Variants in EFNA5 observed in about 807,000 individuals in gnomAD.
EFNA5 encodes the protein ephrin A5.
A neutral mutation model predicts 22.9 loss-of-function variants in EFNA5; 5 were observed. That is an observed-to-expected ratio of 0.22 (90% CI 0.11 to 0.46). EFNA5 has a LOEUF of 0.46. EFNA5 is among the 20% of genes least tolerant of loss of function. The pLI is 0.99. For synonymous variants in EFNA5, 113 were observed against 112.2 expected (o/e 1.01, Z -0.04); for missense variants, 237 against 293.3 (o/e 0.81, Z 1.40).
intron 1 of EFNA5, among the ~76,000 whole-genome samples, chr5:107,436,853 C>A (rs543089701): frequency 1.3e-5 from 2 of 152,184 alleles, no homozygotes; most frequent in East Asian, 1.9e-4. Flanking sequence ...CCTTTTGTAT[C>A]TTCTAGATAC....
rs1220066678 is a variant in EFNA5 at position 107,549,802 on chromosome 5, G to C, written c.125+120687C>G. ...TCAGGCATTGCTGCCCTGAGTTCTGGCTCTGGCCATGAGGAATGAGCAGCC... is the reference window on the plus strand; with the variant it reads ...TCAGGCATTGCTGCCCTGAGTTCTGCCTCTGGCCATGAGGAATGAGCAGCC... On this transcript the variant is annotated intron_variant, in intron 1 of 4. Coordinates refer to ENST00000333274, the MANE Select transcript of EFNA5 (RefSeq NM_001962.3). Among the ~76,000 whole-genome samples the C allele has an allele frequency of 1.4e-4, 22 of 152,222 alleles. 1 individual carries two copies. Among genetic ancestry groups the C allele is most frequent in the Non-Finnish European group, 2.8e-4 (19 of 68,042 alleles).
At chr5:107,384,360 C>G (rs1451276310) in intron 4 of EFNA5, among the ~76,000 whole-genome samples, 1 of 152,110 alleles carries the variant, frequency 6.6e-6, no homozygotes, top group Non-Finnish European at 1.5e-5. Flanking sequence ...TGTTATGTGG[C>G]ATATGTCTGC....
At chr5:107,640,191 G>T (rs931626494) in intron 1 of EFNA5, among the ~76,000 whole-genome samples, 3 of 152,132 alleles carry the variant, frequency 2.0e-5, no homozygotes, top group Non-Finnish European at 4.4e-5. Flanking sequence ...TTGGGGGAAG[G>T]TGGTTTCCCA....
intron 1 of EFNA5, among the ~76,000 whole-genome samples, chr5:107,669,431 G>C (rs1580593046): frequency 6.6e-6 from 1 of 151,974 alleles, no homozygotes; most frequent in Non-Finnish European, 1.5e-5. Flanking sequence ...AAAGCAGTGC[G>C]GTATGGGCCT....
intron 1 of EFNA5, among the ~76,000 whole-genome samples, chr5:107,528,983 T>C (rs568478738): frequency 3.3e-5 from 5 of 152,322 alleles, no homozygotes; most frequent in East Asian, 1.9e-4. Flanking sequence ...TTTGTTTCAA[T>C]TATGTATATA....
chr5:107,653,425 T>G (rs2112554471), intron 1 of EFNA5, among the ~76,000 whole-genome samples: 1 of 152,174 alleles, frequency 6.6e-6, no homozygotes, highest in East Asian at 1.9e-4. Context: ...TCCACAGCCT[T>G]TCTTCTCTTC....
At chr5:107,538,706 G>C (rs889890403) in intron 1 of EFNA5, among the ~76,000 whole-genome samples, 2 of 152,220 alleles carry the variant, frequency 1.3e-5, no homozygotes, top group African/African-American at 2.4e-5. Context: ...CAGGAATGTA[G>C]AGCAGGCATA....
chr5:107,420,033 C>T (rs1403053320), intron 2 of EFNA5, among the ~76,000 whole-genome samples: 1 of 152,000 alleles, frequency 6.6e-6, no homozygotes, highest in African/African-American at 2.4e-5. Flanking sequence ...ATAAGAAAAA[C>T]TATGTAAAAA....
intron 1 of EFNA5, among the ~76,000 whole-genome samples, chr5:107,590,012 CG>C (rs1316149663): frequency 6.6e-6 from 1 of 152,126 alleles, no homozygotes; most frequent in East Asian, 1.9e-4. Flanking sequence ...AGAGAATTTA[CG>C]TAAGACCAGA....
At position 107,554,524 on chromosome 5, in the gene EFNA5, G is replaced by A. The variant is rs553578480; in HGVS notation, c.125+115965C>T. ...ACATACCAATAATAAGTAATGGTGA[G>A]GTTTCTCTATTTATCCTCATAGAAA... On this transcript the variant is annotated intron_variant, in intron 1 of 4. Transcript: ENST00000333274. 2.6e-5 allele frequency among the ~76,000 whole-genome samples: 4 copies of A among 152,236 alleles called. No homozygotes were observed. The South Asian group carries it at 8.3e-4, about 32-fold the overall frequency.
chr5:107,467,523 T>TA (rs894175649), intron 1 of EFNA5, among the ~76,000 whole-genome samples: 61 of 151,886 alleles, frequency 4.0e-4, no homozygotes, highest in African/African-American at 1.3e-3. Context: ...AAAAATTAGG[T>TA]AAAAAAAATA....
intron 1 of EFNA5, among the ~76,000 whole-genome samples, chr5:107,634,342 C>A (rs1176743850): frequency 6.6e-6 from 1 of 152,072 alleles, no homozygotes; most frequent in African/African-American, 2.4e-5. Context: ...CCTAGAGAGA[C>A]CTTGTCTCTA....
chr5:107,643,419 T>C (rs1233034651), intron 1 of EFNA5, among the ~76,000 whole-genome samples: 1 of 152,152 alleles, frequency 6.6e-6, no homozygotes, highest in African/African-American at 2.4e-5. Context: ...CCTCTATTGA[T>C]TGCTTCCTGA....
At chr5:107,585,230 A>G (rs532389181) in intron 1 of EFNA5, among the ~76,000 whole-genome samples, 131 of 152,326 alleles carry the variant, frequency 8.6e-4, no homozygotes, top group African/African-American at 2.9e-3. Flanking sequence ...TTCACTTATC[A>G]TAAGAGTTAC....
chr5:107,657,172 A>G (rs1333794511), intron 1 of EFNA5, among the ~76,000 whole-genome samples: 1 of 152,084 alleles, frequency 6.6e-6, no homozygotes, highest in Non-Finnish European at 1.5e-5. Context: ...CTTTTTTTAA[A>G]AATGGAGGTG....
intron 1 of EFNA5, among the ~76,000 whole-genome samples, chr5:107,614,264 G>GA (rs1749872397): frequency 6.6e-6 from 1 of 151,924 alleles, no homozygotes; most frequent in Non-Finnish European, 1.5e-5. Context: ...GTGATACTGA[G>GA]AAAAAAATTA....
At chr5:107,567,065 A>G (rs897610820) in intron 1 of EFNA5, among the ~76,000 whole-genome samples, 2 of 152,248 alleles carry the variant, frequency 1.3e-5, no homozygotes, top group Non-Finnish European at 2.9e-5. Flanking sequence ...CTTTTAAAAA[A>G]TGTTTCAAAG....
intron 1 of EFNA5, among the ~76,000 whole-genome samples, chr5:107,634,122 G>C (rs185200915): frequency 5.9e-5 from 9 of 152,308 alleles, no homozygotes; most frequent in Admixed American, 2.0e-4. Context: ...AGATACAGTA[G>C]AGGTGACCGG....
chr5:107,589,881 T>G (rs566173090), intron 1 of EFNA5, among the ~76,000 whole-genome samples: 2 of 152,216 alleles, frequency 1.3e-5, no homozygotes, highest in Admixed American at 1.3e-4. Flanking sequence ...TTTTTCTTCT[T>G]CTGCTTTTAG....
Sources: allele counts gnomAD v4.1 joint callset (sites outside exome capture counted in the v4.1 genomes callset), GRCh38; gene constraint gnomAD v4.1.1; transcripts MANE v1.5; gene names NCBI Gene and HGNC (gene_info 2026-07-23, HGNC 2026-07-21).